SAMD4A: variants seen among roughly 807,000 people sequenced by gnomAD.
SAMD4A encodes the protein protein Smaug homolog 1.
SAMD4A carries 33 observed loss-of-function variants against 81.3 expected under a neutral mutation model. The observed-to-expected ratio is 0.41, with a 90% confidence interval of 0.31 to 0.54. SAMD4A has a LOEUF of 0.54. Among genes scored for constraint, SAMD4A ranks in the 20% least tolerant of loss-of-function variants. The pLI is 0.37. For missense variants in SAMD4A, 854 were observed against 951.1 expected, an observed-to-expected ratio of 0.90 and a Z score of 1.34; for synonymous variants, 389 against 382.1, an observed-to-expected ratio of 1.02 and a Z score of -0.21.
rs1476716872 is a variant in SAMD4A, at chr14:54,791,676, G to A, written c.*2732G>A. On this transcript the variant is annotated 3_prime_UTR_variant, in exon 13 of 13. Coordinates refer to ENST00000554335, the MANE Select transcript of SAMD4A (RefSeq NM_015589.6). The stretch of plus-strand genomic sequence containing the variant: ...TGTTTTAATTTTTTTTTTAAGTTGA[G>A]TGTTTGATAAATTTTAAGACCCTGT... 1 of 151,786 alleles carries A rather than the reference G, an allele frequency of 6.6e-6. No individual in the cohort carries two copies. Among genetic ancestry groups the A allele is most frequent in the Non-Finnish European group, 1.5e-5 (1 of 67,970 alleles). The allele number at this position is 151,786 out of a possible 1,614,324, so 9.4% of individuals were successfully genotyped here.
intron 2 of SAMD4A, among the ~76,000 whole-genome samples, chr14:54,690,898 A>G (rs2036416203): frequency 6.6e-6 from 1 of 152,190 alleles, no homozygotes; most frequent in Admixed American, 6.5e-5. Flanking sequence ...GGGAGGGCAG[A>G]CAATGGTTAG....
At chr14:54,683,060 C>T (rs140032450) in intron 2 of SAMD4A, among the ~76,000 whole-genome samples, 1 of 152,274 alleles carries the variant, frequency 6.6e-6, no homozygotes, top group East Asian at 1.9e-4. Flanking sequence ...TCTTGAGGGA[C>T]AGAGTGTGTA....
intron 3 of SAMD4A, chr14:54,702,948 A>C (rs1413572639): frequency 9.7e-6 from 2 of 206,682 alleles, no homozygotes; most frequent in African/African-American, 4.5e-5. Context: ...GTGATTCTCT[A>C]AACCTAATTC....
intron 9 of SAMD4A, among the ~76,000 whole-genome samples, chr14:54,772,946 A>G (rs1797734286): frequency 6.6e-6 from 1 of 152,180 alleles, no homozygotes; most frequent in Admixed American, 6.5e-5. Flanking sequence ...TCTTCCTTCA[A>G]ACCAAAAAAT....
intron 7 of SAMD4A, among the ~76,000 whole-genome samples, chr14:54,762,648 G>T (rs1445613239): frequency 6.6e-6 from 1 of 152,098 alleles, no homozygotes; most frequent in African/African-American, 2.4e-5. Context: ...CTATGGCCCT[G>T]CTTCTTTACA....
intron 2 of SAMD4A, among the ~76,000 whole-genome samples, chr14:54,648,886 G>A (rs1187952544): frequency 2.6e-5 from 4 of 152,186 alleles, no homozygotes; most frequent in Admixed American, 6.5e-5. Flanking sequence ...GGTTGTTTCA[G>A]TACACCAGGT....
chr14:54,766,562 C>T (rs780817435), intron 8 of SAMD4A, among the ~76,000 whole-genome samples: 16 of 152,152 alleles, frequency 1.1e-4, no homozygotes, highest in Non-Finnish European at 2.2e-4. Flanking sequence ...AGCGAGAGTC[C>T]TGGTGGTACA....
chr14:54,669,027 T>C (rs1326221774), intron 2 of SAMD4A, among the ~76,000 whole-genome samples: 1 of 152,238 alleles, frequency 6.6e-6, no homozygotes, highest in African/African-American at 2.4e-5. Flanking sequence ...ACATTTAGGT[T>C]AGGCTACCAT....
chr14:54,672,326 G>T (rs934673109), intron 2 of SAMD4A, among the ~76,000 whole-genome samples: 2 of 152,072 alleles, frequency 1.3e-5, no homozygotes, highest in African/African-American at 2.4e-5. Context: ...AGCGCAGAAG[G>T]GTGTACGAGG....
At chr14:54,695,860 G>C (rs565380255) in intron 2 of SAMD4A, among the ~76,000 whole-genome samples, 1 of 150,702 alleles carries the variant, frequency 6.6e-6, no homozygotes, top group Non-Finnish European at 1.5e-5. Flanking sequence ...GGCTGAATCA[G>C]GAGAATCGCT....
intron 2 of SAMD4A, among the ~76,000 whole-genome samples, chr14:54,598,061 G>A (rs1479521931): frequency 6.6e-6 from 1 of 152,230 alleles, no homozygotes; most frequent in Non-Finnish European, 1.5e-5. Context: ...AGGGAAGAAA[G>A]AGACAGGGAG....
chr14:54,787,140 C>T (rs2039161769), intron 12 of SAMD4A, among the ~76,000 whole-genome samples: 1 of 152,086 alleles, frequency 6.6e-6, no homozygotes, highest in African/African-American at 2.4e-5. Flanking sequence ...GAGAGGAAAG[C>T]ACAGTGAAAG....
intron 5 of SAMD4A, among the ~76,000 whole-genome samples, chr14:54,750,589 T>C (rs565015118): frequency 6.6e-6 from 1 of 152,366 alleles, no homozygotes; most frequent in East Asian, 1.9e-4. Flanking sequence ...TAAGTAATTT[T>C]CTATTCTAGT....
chr14:54,725,736 GA>G (rs2037397783), intron 3 of SAMD4A, among the ~76,000 whole-genome samples: 1 of 152,168 alleles, frequency 6.6e-6, no homozygotes, highest in Non-Finnish European at 1.5e-5. Flanking sequence ...TAAATGATTA[GA>G]TTTTTTCCAA....
At chr14:54,638,158 A>T (rs1446496284) in intron 2 of SAMD4A, among the ~76,000 whole-genome samples, 1 of 152,190 alleles carries the variant, frequency 6.6e-6, no homozygotes, top group Middle Eastern at 3.2e-3. Flanking sequence ...GGCAAAAGAA[A>T]AGTCTTGTCT....
chr14:54,700,243 G>A (rs2036679308), intron 2 of SAMD4A, among the ~76,000 whole-genome samples: 1 of 152,132 alleles, frequency 6.6e-6, no homozygotes, highest in South Asian at 2.1e-4. Context: ...AGCACATGGA[G>A]GGGCAGATGC....
chr14:54,783,157 T>TTA (rs370236379), intron 11 of SAMD4A, among the ~76,000 whole-genome samples: 1 of 140,516 alleles, frequency 7.1e-6, no homozygotes. Context: ...CACAAAACTT[T>TTA]AAAAAAAAAA....
chr14:54,781,093 G>A (rs2038988789), intron 11 of SAMD4A, among the ~76,000 whole-genome samples: 1 of 152,150 alleles, frequency 6.6e-6, no homozygotes, highest in African/African-American at 2.4e-5. Context: ...CTGCTGCTCA[G>A]TGAACCAGAC....
intron 2 of SAMD4A, among the ~76,000 whole-genome samples, chr14:54,665,344 A>T (rs1344158895): frequency 6.6e-6 from 1 of 152,220 alleles, no homozygotes; most frequent in African/African-American, 2.4e-5. Flanking sequence ...GTGAGAAAAC[A>T]GGAATCCACC....
Sources: gnomAD v4.1 joint callset for allele counts (sites outside exome capture counted in the v4.1 genomes callset) on GRCh38, gnomAD v4.1.1 for gene constraint, MANE v1.5 for transcripts, NCBI Gene and HGNC (gene_info 2026-07-23, HGNC 2026-07-21) for gene names.